The following COL11A1 variants were observed in gnomAD, a reference collection of about 807,000 sequenced individuals.
The protein encoded by COL11A1 is collagen type XI alpha 1 chain.
A neutral mutation model predicts 265.2 loss-of-function variants in COL11A1; 74 were observed. That is an observed-to-expected ratio of 0.28 (90% CI 0.23 to 0.34). The LOEUF (loss-of-function observed/expected upper bound fraction) is 0.34, where lower values mean the gene tolerates loss of function less well. COL11A1 is among the 10% of genes least tolerant of loss of function. COL11A1 has a pLI of 1.00. For synonymous variants in COL11A1, 816 were observed against 727.6 expected (o/e 1.12, Z -1.96); for missense variants, 2,165 against 2,263.6 (o/e 0.96, Z 0.88).
intron 18 of COL11A1, 76 bp downstream of exon 18, chr1:103,005,762 C>T: frequency 6.4e-6 from 10 of 1,552,658 alleles, no homozygotes; most frequent in African/African-American, 1.4e-5. Context: ...TCTTCTTTTT[C>T]TGATTTTGCA....
At chr1:103,039,538 C>T (rs1244596843) in intron 4 of COL11A1, among the ~76,000 whole-genome samples, 1 of 150,754 alleles carries the variant, frequency 6.6e-6, no homozygotes, top group Non-Finnish European at 1.5e-5. Flanking sequence ...GAGGAAAGAC[C>T]ATGTAAAGAC....
At position 102,984,196 on chromosome 1, in the gene COL11A1, A is replaced by G. The variant is rs1557903443; in HGVS notation, c.2503-5T>C. 6.4e-7 allele frequency: 1 copy of G among 1,573,136 alleles called. No homozygotes were observed. The highest frequency in any genetic ancestry group is 8.7e-7 in the Non-Finnish European group (1 of 1,146,602). The stretch of plus-strand genomic sequence containing the variant: ...TCCTGGAACTCCAAGTTTTCCCTAC[A>G]GTTAAAATATATAATAATCAAAGTA... On this transcript the variant is annotated splice_polypyrimidine_tract_variant and splice_region_variant and intron_variant, in intron 30 of 66. Transcript: ENST00000370096.
At chr1:102,933,142 C>T (rs981956431) in intron 46 of COL11A1, among the ~76,000 whole-genome samples, 3 of 150,232 alleles carry the variant, frequency 2.0e-5, no homozygotes, top group Admixed American at 6.7e-5. Flanking sequence ...TGAGGAACTG[C>T]GTTCCTTTGG....
chr1:102,931,704 C>G (rs1403511144), intron 46 of COL11A1, among the ~76,000 whole-genome samples: 1 of 151,926 alleles, frequency 6.6e-6, no homozygotes, highest in Non-Finnish European at 1.5e-5. Context: ...GTTAAAGTCT[C>G]CCATTATTAA....
At chr1:102,915,585 T>C in intron 50 of COL11A1, 46 bp downstream of exon 50, 2 of 1,531,564 alleles carry the variant, frequency 1.3e-6, no homozygotes, top group Non-Finnish European at 9.1e-7. Flanking sequence ...GTAAAAGAAA[T>C]TCCCAAACCA....
intron 24 of COL11A1, chr1:103,001,258 G>A: frequency 2.5e-6 from 1 of 396,984 alleles, no homozygotes; most frequent in East Asian, 3.6e-5. Flanking sequence ...AATATTTATA[G>A]TATTTAAATT....
At chr1:102,927,574 C>T (rs1001201148) in intron 46 of COL11A1, among the ~76,000 whole-genome samples, 4 of 151,968 alleles carry the variant, frequency 2.6e-5, no homozygotes, top group Admixed American at 2.0e-4. Context: ...ACCTGGGAAG[C>T]GGAGCTTGCA....
chr1:102,984,109 A>G, intron 31 of COL11A1, 29 bp downstream of exon 31: 2 of 1,488,334 alleles, frequency 1.3e-6, no homozygotes, highest in Non-Finnish European at 1.9e-6. Flanking sequence ...ACGAAATGTT[A>G]ATAAACTATA....
chr1:103,070,379 T>A (rs1671486627), intron 4 of COL11A1, among the ~76,000 whole-genome samples: 1 of 151,498 alleles, frequency 6.6e-6, no homozygotes, highest in African/African-American at 2.4e-5. Context: ...TGTTTTTAAA[T>A]ATTTGAAAAA....
At chr1:102,893,481 A>C (rs2100885291) in intron 57 of COL11A1, among the ~76,000 whole-genome samples, 1 of 152,254 alleles carries the variant, frequency 6.6e-6, no homozygotes, top group Middle Eastern at 3.4e-3. Context: ...CCTGAAACAG[A>C]TCAAAAACAT....
chr1:103,071,827 ATTAAG>A (rs2102266925), intron 4 of COL11A1, among the ~76,000 whole-genome samples: 1 of 17,524 alleles, frequency 5.7e-5, no homozygotes, highest in African/African-American at 1.1e-4. Flanking sequence ...TTAATGGATA[ATTAAG>A]TTAACATACA....
At chr1:103,089,761 G>A (rs1050680411) in intron 1 of COL11A1, among the ~76,000 whole-genome samples, 5 of 152,236 alleles carry the variant, frequency 3.3e-5, no homozygotes, top group Admixed American at 2.0e-4. Context: ...AGGATTGGAA[G>A]TGACCTTTAC....
In COL11A1 at chr1:103,099,521, C is replaced by A. The variant is rs539587966; in HGVS notation, c.106+8552G>T. Among the ~76,000 whole-genome samples, 369 of 150,342 alleles carry A rather than the reference C, an allele frequency of 2.5e-3. 3 individuals carry two copies. The highest frequency in any genetic ancestry group is 8.6e-3 in the African/African-American group (353 of 41,126). ...ACTGCTATTTCTAATAGCTAATAAG[C>A]AAAGTCAGACAACTAATCCCCAATA... On this transcript the variant is annotated intron_variant, in intron 1 of 66. Transcript: ENST00000370096.
rs527733487 is a variant in COL11A1, at chr1:102,904,369, C to T, written c.4087-5375G>A. On this transcript the variant is annotated intron_variant, in intron 54 of 66. Coordinates refer to ENST00000370096, the MANE Select transcript of COL11A1 (RefSeq NM_001854.4). ...CAATGGCAACAAAAGCCAAAATTGA[C>T]AAATGGGATCTAATTAAACTAAAGA... Among the ~76,000 whole-genome samples the T allele has an allele frequency of 6.4e-4, 97 of 152,106 alleles. 1 individual carries two copies. Among genetic ancestry groups the T allele is most frequent in the African/African-American group, 2.3e-3 (96 of 41,494 alleles).
At chr1:102,997,014 C>G in intron 26 of COL11A1, 66 bp downstream of exon 26, 1 of 1,365,488 alleles carries the variant, frequency 7.3e-7, no homozygotes, top group Non-Finnish European at 1.0e-6. Context: ...ATGAGATGAC[C>G]AAATTAAGGC....
rs769449348 is a variant in COL11A1, at chr1:103,006,117, C to T, written c.1742G>A (p.Arg581His). The change falls in exon 17 of 67, where the codon CGT becomes CAT. Residue 581 changes from arginine (R) to histidine (H), a missense_variant. Arg to His is a conservative substitution (Grantham distance 29). Coordinates refer to ENST00000370096, the MANE Select transcript of COL11A1 (RefSeq NM_001854.4). The part of the protein sequence containing the change: ...GPTGKPGKRG[R>H]PGADGGRGMP... ...TCCTCTTCCTCCATCTGCACCTGGACGACCCTAATAATGCCAACAGCATGA... is the reference window on the plus strand; with the variant it reads ...TCCTCTTCCTCCATCTGCACCTGGATGACCCTAATAATGCCAACAGCATGA... The T allele has an allele frequency of 1.2e-6, 2 of 1,613,376 alleles. No individual in the cohort carries two copies. The highest frequency in any genetic ancestry group is 1.3e-5 in the African/African-American group (1 of 74,820).
Position 102,883,313 on chromosome 1 carries a change from T to A in COL11A1, c.4859-2A>T. 6.3e-7 allele frequency: 1 copy of A among 1,579,974 alleles called. No individual in the cohort carries two copies. The highest frequency in any genetic ancestry group is 8.7e-7 in the Non-Finnish European group (1 of 1,149,274). Reference sequence around the variant, plus strand: ...GGTTAGGATCAATCCAATATTCACCTAGAAGGTAGCAAAAAATATGTCATA... The same window carrying A: ...GGTTAGGATCAATCCAATATTCACCAAGAAGGTAGCAAAAAATATGTCATA... On this transcript the variant is annotated splice_acceptor_variant, in intron 63 of 66. Transcript: ENST00000370096. LOFTEE classifies it high-confidence loss of function.
intron 23 of COL11A1, 78 bp from the exon 24 acceptor site, chr1:103,002,047 C>T: frequency 8.7e-7 from 1 of 1,155,544 alleles, no homozygotes; most frequent in South Asian, 1.2e-5. Context: ...ATTATTAGCT[C>T]ACTATAGTAC....
intron 37 of COL11A1, among the ~76,000 whole-genome samples, chr1:102,969,832 C>T (rs1037132365): frequency 5.9e-5 from 9 of 152,004 alleles, no homozygotes; most frequent in Non-Finnish European, 1.2e-4. Flanking sequence ...CATGGCTATT[C>T]GTAATCTGTT....
Sources: gnomAD v4.1 joint callset for allele counts (sites outside exome capture counted in the v4.1 genomes callset) on GRCh38, gnomAD v4.1.1 for gene constraint, MANE v1.5 for transcripts, NCBI Gene and HGNC (gene_info 2026-07-23, HGNC 2026-07-21) for gene names.